Variants in JAKMIP1 observed in about 807,000 individuals in gnomAD.
JAKMIP1 encodes janus kinase and microtubule-interacting protein 1.
In JAKMIP1, 33 loss-of-function variants were observed where a neutral mutation model predicts 113.0. That is an observed-to-expected ratio of 0.29 (90% confidence interval 0.22 to 0.39). The LOEUF is 0.39. Among genes scored for constraint, JAKMIP1 ranks in the 10% least tolerant of loss-of-function variants. The pLI is 1.00. For missense variants in JAKMIP1, 813 were observed against 1,080.5 expected (o/e 0.75, Z 3.47); for synonymous variants, 480 against 459.9 (o/e 1.04, Z -0.56).
chr4:6,174,217 C>T lies in JAKMIP1; in HGVS notation c.-148+26036G>A, dbSNP rs145018211. Among the ~76,000 whole-genome samples, 505 of 152,260 alleles carry T rather than the reference C, an allele frequency of 3.3e-3. 7 individuals are homozygous for T. Among genetic ancestry groups the T allele is most frequent in the African/African-American group, 0.011 (472 of 41,554 alleles). ...TGAGGCCTTGATCCAGGCCTCAGAA[C>T]ACTTATTAATATGAAAGAGCAGTTG... On this transcript the variant is annotated intron_variant, in intron 1 of 20. Coordinates refer to ENST00000409021, the MANE Select transcript of JAKMIP1 (RefSeq NM_001099433.2).
chr4:6,179,494 ACCG>A lies in JAKMIP1; in HGVS notation c.-148+20756_-148+20758del, dbSNP rs1331673103. ...TACCTTCCTGACACCCCCTACAGGC[ACCG>A]TCAAGGGACAACCCTACAAAGCCAC... On this transcript the variant is annotated intron_variant, in intron 1 of 20. Coordinates refer to ENST00000409021, the MANE Select transcript of JAKMIP1 (RefSeq NM_001099433.2). The surrounding 1 kb of genome is among the most constrained non-coding windows in gnomAD (Gnocchi z 4.5). Among the ~76,000 whole-genome samples, 1 of 152,140 alleles carries A rather than the reference ACCG, an allele frequency of 6.6e-6. No homozygotes were observed. Among genetic ancestry groups the A allele is most frequent in the Admixed American group, 6.5e-5 (1 of 15,278 alleles).
rs567507079 is a variant in JAKMIP1, at chr4:6,152,279, C to G, written c.-147-39282G>C. 3.3e-5 allele frequency among the ~76,000 whole-genome samples: 5 copies of G among 152,240 alleles called. No homozygotes were observed. In the East Asian group the frequency reaches 9.7e-4, roughly 29 times the overall value. ...TTCTTCCACTTGAGGCCATGACCTC[C>G]CACTGGGACTCTGATCAAGAGTCCT... On this transcript the variant is annotated intron_variant, in intron 1 of 20. Coordinates refer to ENST00000409021, the MANE Select transcript of JAKMIP1 (RefSeq NM_001099433.2).
In JAKMIP1 at chr4:6,040,866, A is replaced by G. The variant is rs573620716; in HGVS notation, c.2098-150T>C. 2 of 669,284 alleles carry G rather than the reference A, an allele frequency of 3.0e-6. No individual in the cohort carries two copies. The highest frequency in any genetic ancestry group is 1.8e-5 in the African/African-American group (1 of 56,482). The allele number at this position is 669,284 out of a possible 1,614,324, so 41.5% of individuals were successfully genotyped here. A position where few individuals can be genotyped will look rare whatever the true frequency, so the allele number is the denominator to read the frequency against. ...GGTGGTCTTCCCCGTTTGCCCCCAC[A>G]TGAATCACCCAGCAGGAGCCTCACT... On this transcript the variant is annotated intron_variant, in intron 17 of 20. Transcript: ENST00000409021. The surrounding 1 kb of genome is among the most constrained non-coding windows in gnomAD (Gnocchi z 5.8).
In JAKMIP1 at chr4:6,063,600, G is replaced by T. The variant is rs143293198; in HGVS notation, c.1432-1160C>A. Among the ~76,000 whole-genome samples, 516 of 152,300 alleles carry T rather than the reference G, an allele frequency of 3.4e-3. 1 individual carries two copies. The highest frequency in any genetic ancestry group is 0.012 in the African/African-American group (492 of 41,580). On this transcript the variant is annotated intron_variant, in intron 9 of 20. Coordinates refer to ENST00000409021, the MANE Select transcript of JAKMIP1 (RefSeq NM_001099433.2). ...AGAAAGGATGTCCAGGGGACGACCT[G>T]CAGAGGTGACATGTGTCCCCTAGAG... is the stretch of plus-strand genomic sequence containing the variant.
intron 1 of JAKMIP1, among the ~76,000 whole-genome samples, chr4:6,126,828 A>G (rs1377255705): frequency 6.6e-6 from 1 of 151,442 alleles, no homozygotes; most frequent in African/African-American, 2.4e-5. Flanking sequence ...AACACAACCC[A>G]TGCACCACAC....
intron 2 of JAKMIP1, among the ~76,000 whole-genome samples, chr4:6,109,115 C>T (rs1227194742): frequency 6.8e-6 from 1 of 146,830 alleles, no homozygotes; most frequent in Non-Finnish European, 1.5e-5. Flanking sequence ...CAAGATGTGC[C>T]TGGGGCACCT....
chr4:6,137,117 C>T lies in JAKMIP1; in HGVS notation c.-147-24120G>A, dbSNP rs1719357316. Among the ~76,000 whole-genome samples, 3 of 152,192 alleles carry T rather than the reference C, an allele frequency of 2.0e-5. No homozygotes were observed. In the South Asian group the frequency reaches 6.2e-4, roughly 31 times the overall value. On this transcript the variant is annotated intron_variant, in intron 1 of 20. Coordinates refer to ENST00000409021, the MANE Select transcript of JAKMIP1 (RefSeq NM_001099433.2). The surrounding 1 kb of genome is among the most constrained non-coding windows in gnomAD (Gnocchi z 4.5). ...AATAATCACTCTTCCTCCTCAACAC[C>T]CCCTCCCTATTTTCATGGTAAGGTG...
rs1055725217 is a variant in JAKMIP1 at position 6,184,994 on chromosome 4, C to G, written c.-148+15259G>C. On this transcript the variant is annotated intron_variant, in intron 1 of 20. Coordinates refer to ENST00000409021, the MANE Select transcript of JAKMIP1 (RefSeq NM_001099433.2). The surrounding 1 kb of genome is among the most constrained non-coding windows in gnomAD (Gnocchi z 4.5). Reference sequence around the variant, plus strand: ...TCTCCCGTGCTGGATGCTTCCTCCCCTCGAACATCAGACTCCAAGTTCTTC... The same window carrying G: ...TCTCCCGTGCTGGATGCTTCCTCCCGTCGAACATCAGACTCCAAGTTCTTC... Among the ~76,000 whole-genome samples, 4 of 152,200 alleles carry G rather than the reference C, an allele frequency of 2.6e-5. No individual in the cohort carries two copies. The highest frequency in any genetic ancestry group is 1.9e-4 in the East Asian group (1 of 5,186).
chr4:6,042,103 A>AC lies in JAKMIP1; in HGVS notation c.2097+55dup, dbSNP rs1714394649. The AC allele has an allele frequency of 5.1e-6, 7 of 1,375,912 alleles. No individual in the cohort carries two copies. In the East Asian group the frequency reaches 1.6e-4, roughly 32 times the overall value. 85.2% of individuals were successfully genotyped at this position (1,375,912 alleles called of 1,614,324 possible). On this transcript the variant is annotated intron_variant, in intron 17 of 20. Transcript: ENST00000409021. The surrounding 1 kb of genome is among the most constrained non-coding windows in gnomAD (Gnocchi z 5.2). ...ACATGCAAAGCCTTCCTGCAAATCAACCTCTCTGAGCTCTTTGAACCCTCT... is the reference window on the plus strand; with the variant it reads ...ACATGCAAAGCCTTCCTGCAAATCAACCCTCTCTGAGCTCTTTGAACCCTCT...
chr4:6,178,510 G>A lies in JAKMIP1; in HGVS notation c.-148+21743C>T, dbSNP rs113436682. 0.012 allele frequency among the ~76,000 whole-genome samples: 1,807 copies of A among 152,244 alleles called. 31 individuals are homozygous for A. Among genetic ancestry groups the A allele is most frequent in the African/African-American group, 0.041 (1,699 of 41,540 alleles). Reference sequence around the variant, plus strand: ...ATTATTTGTGTCTGTGGGTGTGTTTGGTGGGGAATTGAAGTAGGTGGTTTT... The same window carrying A: ...ATTATTTGTGTCTGTGGGTGTGTTTAGTGGGGAATTGAAGTAGGTGGTTTT... On this transcript the variant is annotated intron_variant, in intron 1 of 20. Coordinates refer to ENST00000409021, the MANE Select transcript of JAKMIP1 (RefSeq NM_001099433.2). The surrounding 1 kb of genome is among the most constrained non-coding windows in gnomAD (Gnocchi z 5.5).
rs73073470 is a variant in JAKMIP1, at chr4:6,083,873, T to C, written c.954+973A>G. ...GTAAACATATTCATGAAATTTCTATTTTTACTGGAGATTTCTTTTTTAACC... is the reference window on the plus strand; with the variant it reads ...GTAAACATATTCATGAAATTTCTATCTTTACTGGAGATTTCTTTTTTAACC... On this transcript the variant is annotated intron_variant, in intron 5 of 20. Transcript: ENST00000409021. Among the ~76,000 whole-genome samples, 354 of 152,322 alleles carry C rather than the reference T, an allele frequency of 2.3e-3. 4 individuals are homozygous for C. Among genetic ancestry groups the C allele is most frequent in the African/African-American group, 8.1e-3 (337 of 41,570 alleles).
In JAKMIP1 at chr4:6,187,216, T is replaced by C. The variant is rs1181772009; in HGVS notation, c.-148+13037A>G. On this transcript the variant is annotated intron_variant, in intron 1 of 20. Transcript: ENST00000409021. The surrounding 1 kb of genome is among the most constrained non-coding windows in gnomAD (Gnocchi z 4.2). Reference sequence around the variant, plus strand: ...ATAATTGTTATATATTTCTGATGTATTGAACTTCTTGTCATTATAAAATGT... The same window carrying C: ...ATAATTGTTATATATTTCTGATGTACTGAACTTCTTGTCATTATAAAATGT... Among the ~76,000 whole-genome samples, 3 of 152,242 alleles carry C rather than the reference T, an allele frequency of 2.0e-5. No individual in the cohort carries two copies. The highest frequency in any genetic ancestry group is 3.8e-4 in the East Asian group (2 of 5,200).
chr4:6,164,554 G>C (rs1438242135), intron 1 of JAKMIP1, among the ~76,000 whole-genome samples: 2 of 152,170 alleles, frequency 1.3e-5, no homozygotes, highest in Admixed American at 6.5e-5. Context: ...AATATATTTT[G>C]TGAGCCTATG....
chr4:6,125,855 T>C (rs1578311430), intron 1 of JAKMIP1, among the ~76,000 whole-genome samples: 1 of 3,890 alleles, frequency 2.6e-4, no homozygotes, highest in African/African-American at 7.5e-4. Flanking sequence ...ACACCCCCCA[T>C]ACAGAAACTC....
intron 19 of JAKMIP1, among the ~76,000 whole-genome samples, chr4:6,033,104 T>C (rs1220758814): frequency 2.0e-5 from 3 of 152,218 alleles, no homozygotes; most frequent in Non-Finnish European, 4.4e-5. Context: ...ATCATTCCGC[T>C]GGGAAAGGTG....
rs1723866921 is a variant in JAKMIP1, at chr4:6,167,982, C to T, written c.-148+32271G>A. ...CAATGAGGAGTCCGCCCATCCTCCA[C>T]ATCACCCGGTGTTCAACAGGGAAGA... On this transcript the variant is annotated intron_variant, in intron 1 of 20. Coordinates refer to ENST00000409021, the MANE Select transcript of JAKMIP1 (RefSeq NM_001099433.2). This position sits in a 1 kb window ranked among gnomAD's most constrained non-coding sequence, Gnocchi z 5.3. Among the ~76,000 whole-genome samples the T allele has an allele frequency of 6.6e-6, 1 of 152,224 alleles. No homozygotes were observed. Among genetic ancestry groups the T allele is most frequent in the Non-Finnish European group, 1.5e-5 (1 of 68,036 alleles).
intron 1 of JAKMIP1, among the ~76,000 whole-genome samples, chr4:6,198,935 G>T (rs1728135808): frequency 6.6e-6 from 1 of 152,222 alleles, no homozygotes; most frequent in Non-Finnish European, 1.5e-5. Context: ...ATTCACTGTG[G>T]GTGGAGCCCT....
chr4:6,098,674 A>G (rs373016068), intron 3 of JAKMIP1, among the ~76,000 whole-genome samples: 1,149 of 12,162 alleles, frequency 0.094, 10 homozygotes, highest in Admixed American at 0.13. Context: ...AAGAGAGAGA[A>G]AGAAAGAAAG....
In JAKMIP1 at chr4:6,085,374, T is replaced by G. The variant is rs568866082; in HGVS notation, c.834+46A>C. On this transcript the variant is annotated intron_variant, in intron 4 of 20. Coordinates refer to ENST00000409021, the MANE Select transcript of JAKMIP1 (RefSeq NM_001099433.2). ...GCTGACCAGAAAAATGCCACCTAAA[T>G]GGGTGGGGGACCAGCCTGAGGCTGG... 2.2e-4 allele frequency: 342 copies of G among 1,577,276 alleles called. 1 individual carries two copies. The highest frequency in any genetic ancestry group is 8.2e-4 in the South Asian group (73 of 89,236).
Sources: gnomAD v4.1 joint callset for allele counts (sites outside exome capture counted in the v4.1 genomes callset) on GRCh38, gnomAD v4.1.1 for gene constraint, Gnocchi (gnomAD v3.1) non-coding constraint, MANE v1.5 for transcripts, NCBI Gene and HGNC (gene_info 2026-07-23, HGNC 2026-07-21) for gene names.